Variants in TENM3 observed in about 807,000 individuals in gnomAD.
TENM3 encodes the protein teneurin transmembrane protein 3, also known as teneurin-3.
In TENM3, 63 loss-of-function variants were observed where a neutral mutation model predicts 255.1. The observed-to-expected ratio is 0.25, with a 90% CI of 0.20 to 0.30. The LOEUF (loss-of-function observed/expected upper bound fraction) is 0.30. Among genes scored for constraint, TENM3 ranks in the 10% least tolerant of loss-of-function variants. The probability of loss-of-function intolerance (pLI) is 1.00; values close to 1 mark genes in which losing one functional copy is unlikely to be tolerated. For synonymous variants in TENM3, 1,306 were observed against 1,322.3 expected, an observed-to-expected ratio of 0.99 and a Z score of 0.27; for missense variants, 2,929 against 3,461.1, an observed-to-expected ratio of 0.85 and a Z score of 3.86.
At chr4:182,178,933 G>A (rs955535145) in intron 1 of TENM3, among the ~76,000 whole-genome samples, 4 of 152,174 alleles carry the variant, frequency 2.6e-5, no homozygotes, top group Non-Finnish European at 5.9e-5. Context: ...TGGAATGAAG[G>A]AAATGTACCA....
chr4:182,430,990 T>A (rs1561438680), intron 3 of TENM3, among the ~76,000 whole-genome samples: 3 of 149,790 alleles, frequency 2.0e-5, no homozygotes, highest in Admixed American at 6.7e-5. Flanking sequence ...CCAGCCTGGG[T>A]GACACAGCAA....
chr4:181,853,223 G>C, the TENM3 span, among the ~76,000 whole-genome samples: 1 of 152,200 alleles, frequency 6.6e-6, no homozygotes. Flanking sequence ...TTAGATGCAT[G>C]ATCTCCTCAA....
intron 4 of TENM3, among the ~76,000 whole-genome samples, chr4:182,605,650 G>C (rs749941892): frequency 6.6e-6 from 1 of 152,180 alleles, no homozygotes; most frequent in Non-Finnish European, 1.5e-5. Flanking sequence ...GAAGAAACAT[G>C]AAGAGGGAGA....
In TENM3 at chr4:182,660,513, G is replaced by A. The variant is rs1001599513; in HGVS notation, c.1111+6620G>A. On this transcript the variant is annotated intron_variant, in intron 6 of 27. Coordinates refer to ENST00000511685, the MANE Select transcript of TENM3 (RefSeq NM_001080477.4). ...GCCAAGCAATGATTGGAACATGAAA[G>A]CTATTCAATGCATATCAGTGATTGT... is the stretch of plus-strand genomic sequence containing the variant. Among the ~76,000 whole-genome samples the A allele has an allele frequency of 4.6e-5, 7 of 152,242 alleles. No individual in the cohort carries two copies. The South Asian group carries it at 1.5e-3, about 32-fold the overall frequency.
In TENM3 at chr4:182,439,078, G is replaced by A. The variant is rs563137245; in HGVS notation, c.511+92149G>A. The stretch of plus-strand genomic sequence containing the variant: ...AGTTACATTTAACTTGCTCAGCATC[G>A]ATTAATAGATGCCCTTATTTTGCCT... On this transcript the variant is annotated intron_variant, in intron 3 of 27. Coordinates refer to ENST00000511685, the MANE Select transcript of TENM3 (RefSeq NM_001080477.4). Among the ~76,000 whole-genome samples the A allele has an allele frequency of 3.9e-5, 6 of 152,176 alleles. No homozygotes were observed. In the East Asian group the frequency reaches 5.8e-4, roughly 15 times the overall value.
At chr4:182,679,215 AAAAG>A (rs925374861) in intron 7 of TENM3, among the ~76,000 whole-genome samples, 3 of 152,114 alleles carry the variant, frequency 2.0e-5, no homozygotes, top group African/African-American at 7.2e-5. Context: ...AAATTTAAAA[AAAAG>A]AAAGAGTAGA....
rs1050832354 is a variant in TENM3 at position 182,711,434 on chromosome 4, C to G, written c.2222-2653C>G. On this transcript the variant is annotated intron_variant, in intron 12 of 27. Transcript: ENST00000511685. Reference sequence around the variant, plus strand: ...GAATAGACTGGATTTTTAGGAGATACGAAGTGCATCTCTGTCATGTGATGT... The same window carrying G: ...GAATAGACTGGATTTTTAGGAGATAGGAAGTGCATCTCTGTCATGTGATGT... 5 of 164,690 alleles carry G rather than the reference C, an allele frequency of 3.0e-5. No individual in the cohort carries two copies. The Admixed American group carries it at 3.3e-4, about 11-fold the overall frequency. The allele number at this position is 164,690 out of a possible 1,614,324, so 10.2% of individuals were successfully genotyped here.
At chr4:181,726,784 C>A in the TENM3 span, among the ~76,000 whole-genome samples, 6 of 152,116 alleles carry the variant, frequency 3.9e-5, no homozygotes, top group Non-Finnish European at 7.4e-5. Context: ...AAAGATCACC[C>A]CCCACTTCCA....
intron 3 of TENM3, among the ~76,000 whole-genome samples, chr4:182,381,349 G>A (rs1295918904): frequency 6.6e-6 from 1 of 152,130 alleles, no homozygotes; most frequent in Non-Finnish European, 1.5e-5. Flanking sequence ...ACCATGGGAT[G>A]CAGGGAAAAA....
intron 1 of TENM3, among the ~76,000 whole-genome samples, chr4:182,156,281 T>C: frequency 6.6e-6 from 1 of 152,338 alleles, no homozygotes; most frequent in Non-Finnish European, 1.5e-5. Flanking sequence ...CAAGTGCATT[T>C]TTATGAGGTA....
the TENM3 span, among the ~76,000 whole-genome samples, chr4:181,512,292 T>C: frequency 6.6e-6 from 1 of 152,170 alleles, no homozygotes; most frequent in Admixed American, 6.5e-5. Flanking sequence ...TAGAACAGTC[T>C]ACCACGTTCC....
chr4:182,789,074 CTTG>C lies in TENM3; in HGVS notation c.5305-15_5305-13del. 1 of 1,585,030 alleles carries C rather than the reference CTTG, an allele frequency of 6.3e-7. No homozygotes were observed. Among genetic ancestry groups the C allele is most frequent in the Admixed American group, 1.7e-5 (1 of 57,526 alleles). On this transcript the variant is annotated splice_polypyrimidine_tract_variant and intron_variant, in intron 24 of 27. Coordinates refer to ENST00000511685, the MANE Select transcript of TENM3 (RefSeq NM_001080477.4). This position sits in a 1 kb window ranked among gnomAD's most constrained non-coding sequence, Gnocchi z 4.4. ...GGAATAACATGATTTATTTTATCAT[CTTG>C]TTGGTGTTGTAACAGGTTAATGGCA...
the TENM3 span, among the ~76,000 whole-genome samples, chr4:181,465,618 C>G: frequency 2.0e-5 from 3 of 152,152 alleles, no homozygotes; most frequent in African/African-American, 7.2e-5. Context: ...GCCCATAGAA[C>G]TTTTATGCTT....
At chr4:182,100,857 AC>A in the TENM3 span, among the ~76,000 whole-genome samples, 110 of 7,326 alleles carry the variant, frequency 0.015, 35 homozygotes, top group African/African-American at 0.026. Context: ...ATATATATAT[AC>A]TCATATATAT....
Position 182,799,571 on chromosome 4 carries a change from G to GC in TENM3, c.7345-20dup. On this transcript the variant is annotated intron_variant, in intron 27 of 27. Coordinates refer to ENST00000511685, the MANE Select transcript of TENM3 (RefSeq NM_001080477.4). This position sits in a 1 kb window ranked among gnomAD's most constrained non-coding sequence, Gnocchi z 4.2. ...GGAGGCTCCCGGCCGCCTCTGACGC[G>GC]CCCCCTCTTTTGTTTCGCCCGCAGC... 1 of 1,530,174 alleles carries GC rather than the reference G, an allele frequency of 6.5e-7. No individual in the cohort carries two copies. Among genetic ancestry groups the GC allele is most frequent in the Non-Finnish European group, 8.7e-7 (1 of 1,144,902 alleles). The allele number at this position is 1,530,174 out of a possible 1,614,324, so 94.8% of individuals were successfully genotyped here.
At chr4:182,273,600 A>G (rs1268505581) in intron 1 of TENM3, among the ~76,000 whole-genome samples, 1 of 152,198 alleles carries the variant, frequency 6.6e-6, no homozygotes, top group Non-Finnish European at 1.5e-5. Flanking sequence ...ACCGCATTTC[A>G]TTGATACATG....
rs370038739 is a variant in TENM3, at chr4:182,673,195, A to C, written c.1302A>C (p.Lys434Asn). 1 of 1,613,252 alleles carries C rather than the reference A, an allele frequency of 6.2e-7. No homozygotes were observed. Among genetic ancestry groups the C allele is most frequent in the African/African-American group, 1.3e-5 (1 of 74,938 alleles). ...KDALIGVYGR[K>N]GLPPSHTQYD... Reference sequence around the variant, plus strand: ...CATTGATTGGAGTATATGGCCGGAAAGGCTTACCGCCTTCCCATACTCAGG... The same window carrying C: ...CATTGATTGGAGTATATGGCCGGAACGGCTTACCGCCTTCCCATACTCAGG... Residue 434 changes from lysine (K) to asparagine (N), a missense_variant, in exon 7 of 28, where the codon AAA (lysine) becomes AAC (asparagine). Around this residue, in one of 6 missense-constraint regions of TENM3, gnomAD observed 1,608 missense variants for 1,884.4 expected, o/e 0.85. Transcript: ENST00000511685.
At chr4:181,687,908 T>C in the TENM3 span, among the ~76,000 whole-genome samples, 1 of 152,168 alleles carries the variant, frequency 6.6e-6, no homozygotes, top group African/African-American at 2.4e-5. Flanking sequence ...ACAAAGTCTT[T>C]TGATCTGTGA....
chr4:181,627,411 G>A, the TENM3 span, among the ~76,000 whole-genome samples: 3 of 152,106 alleles, frequency 2.0e-5, no homozygotes, highest in African/African-American at 7.2e-5. Flanking sequence ...ATGTATACGT[G>A]TGCCATGTTG....
Sources: allele counts gnomAD v4.1 joint callset (sites outside exome capture counted in the v4.1 genomes callset), GRCh38; gene constraint gnomAD v4.1.1; regional missense constraint gnomAD v4.1.1; non-coding constraint Gnocchi (gnomAD v3.1); transcripts MANE v1.5; gene names NCBI Gene and HGNC (gene_info 2026-07-23, HGNC 2026-07-21).